Variants in RBFOX1 observed in about 807,000 individuals in gnomAD.
RBFOX1 encodes the protein RNA binding protein fox-1 homolog 1.
In RBFOX1, 8 loss-of-function variants were observed where a neutral mutation model predicts 57.7. The ratio of observed to expected loss-of-function variants is 0.14; its 90% CI spans 0.08 to 0.25. The LOEUF (loss-of-function observed/expected upper bound fraction) is 0.25, where lower values mean the gene tolerates loss of function less well. Among genes scored for constraint, RBFOX1 ranks in the 10% least tolerant of loss-of-function variants. The probability of loss-of-function intolerance (pLI) is 1.00; values close to 1 mark genes in which losing one functional copy is unlikely to be tolerated. For missense variants in RBFOX1, 611 were observed against 548.5 expected (o/e 1.11, Z -1.14); for synonymous variants, 326 against 222.4 (o/e 1.47, Z -4.15).
chr16:5,476,875 T>C (rs1047655531), intron 2 of RBFOX1, among the ~76,000 whole-genome samples: 1 of 152,166 alleles, frequency 6.6e-6, no homozygotes, highest in Non-Finnish European at 1.5e-5. Context: ...CCTTTCTCAA[T>C]CTAGTTCTCC....
intron 4 of RBFOX1, among the ~76,000 whole-genome samples, chr16:7,123,436 C>G (rs954878813): frequency 6.6e-6 from 1 of 152,162 alleles, no homozygotes; most frequent in African/African-American, 2.4e-5. Context: ...GCCAATACAG[C>G]TCACTGTAAC....
intron 2 of RBFOX1, among the ~76,000 whole-genome samples, chr16:6,616,950 C>A (rs913757689): frequency 2.6e-5 from 4 of 152,138 alleles, no homozygotes; most frequent in African/African-American, 9.6e-5. Flanking sequence ...GGCTTCCTGC[C>A]ACGACAGCAG....
At chr16:6,144,018 C>T (rs999759691) in intron 1 of RBFOX1, among the ~76,000 whole-genome samples, 3 of 150,308 alleles carry the variant, frequency 2.0e-5, no homozygotes, top group East Asian at 3.9e-4. Context: ...AGGCTGGTTT[C>T]GAACTCCTGG....
rs562524640 is a variant in RBFOX1, at chr16:7,413,480, G to T, written c.28-104667G>T. Among the ~76,000 whole-genome samples the T allele has an allele frequency of 2.0e-5, 3 of 152,174 alleles. No homozygotes were observed. The South Asian group carries it at 6.2e-4, about 32-fold the overall frequency. On this transcript the variant is annotated intron_variant, in intron 4 of 15. Transcript: ENST00000550418. ...GCATTTCTCACAAGATCCAAGGTGA[G>T]GTCAACACTACCAGCCTGGGGACCA...
intron 6 of RBFOX1, among the ~76,000 whole-genome samples, chr16:7,582,939 G>A (rs1434156809): frequency 6.6e-6 from 1 of 152,138 alleles, no homozygotes; most frequent in Non-Finnish European, 1.5e-5. Flanking sequence ...TACAACGTCT[G>A]TAACCACTAA....
At chr16:6,712,438 G>A (rs1001241252) in intron 3 of RBFOX1, among the ~76,000 whole-genome samples, 1 of 152,042 alleles carries the variant, frequency 6.6e-6, no homozygotes, top group Admixed American at 6.6e-5. Flanking sequence ...GAGTTTTACT[G>A]TGTACCATCC....
intron 3 of RBFOX1, among the ~76,000 whole-genome samples, chr16:6,671,123 C>T (rs1251573610): frequency 6.6e-6 from 1 of 152,216 alleles, no homozygotes; most frequent in Non-Finnish European, 1.5e-5. Context: ...CCCAATCTTA[C>T]TCATTATTTC....
intron 2 of RBFOX1, among the ~76,000 whole-genome samples, chr16:6,640,605 T>G (rs1296566622): frequency 6.7e-6 from 1 of 149,842 alleles, no homozygotes; most frequent in Non-Finnish European, 1.5e-5. Flanking sequence ...AAGACTCCAT[T>G]GCCAAATAAA....
At chr16:5,431,145 G>C (rs2067720739) in intron 1 of RBFOX1, among the ~76,000 whole-genome samples, 1 of 152,222 alleles carries the variant, frequency 6.6e-6, no homozygotes, top group African/African-American at 2.4e-5. Context: ...GAGTGTGACA[G>C]CTACTGAGGC....
intron 3 of RBFOX1, among the ~76,000 whole-genome samples, chr16:6,935,468 AT>A (rs1955987720): frequency 6.6e-6 from 1 of 152,188 alleles, no homozygotes; most frequent in African/African-American, 2.4e-5. Flanking sequence ...GCAATAATGA[AT>A]GATTACTGTT....
chr16:7,447,944 G>A (rs2098821427), intron 4 of RBFOX1, among the ~76,000 whole-genome samples: 1 of 152,166 alleles, frequency 6.6e-6, no homozygotes, highest in African/African-American at 2.4e-5. Context: ...ACATTCCTAG[G>A]TCCCTTCCAA....
intron 4 of RBFOX1, among the ~76,000 whole-genome samples, chr16:7,185,580 AC>A (rs1227391852): frequency 1.3e-5 from 2 of 152,154 alleles, no homozygotes; most frequent in Non-Finnish European, 2.9e-5. Flanking sequence ...TTTTCAAGAA[AC>A]CCTGCCACTT....
chr16:6,240,886 G>T (rs1396302420), intron 1 of RBFOX1, among the ~76,000 whole-genome samples: 1 of 152,108 alleles, frequency 6.6e-6, no homozygotes, highest in Non-Finnish European at 1.5e-5. Flanking sequence ...TTCTCACCAT[G>T]AAGTTCCCAT....
chr16:5,873,086 G>A (rs1025976997), intron 4 of RBFOX1, among the ~76,000 whole-genome samples: 2 of 152,194 alleles, frequency 1.3e-5, no homozygotes, highest in Non-Finnish European at 2.9e-5. Flanking sequence ...GGAGGCAGAG[G>A]TTGCAGTGAG....
chr16:5,816,318 T>C (rs1311362108), intron 3 of RBFOX1, among the ~76,000 whole-genome samples: 2 of 152,140 alleles, frequency 1.3e-5, no homozygotes, highest in Non-Finnish European at 2.9e-5. Context: ...CCAGTACCCG[T>C]CAATTACAAA....
chr16:5,944,863 G>A (rs2059364772), intron 4 of RBFOX1, among the ~76,000 whole-genome samples: 1 of 146,500 alleles, frequency 6.8e-6, no homozygotes, highest in Non-Finnish European at 1.5e-5. Flanking sequence ...GGAGGCAGAA[G>A]GCTGAGGCAG....
chr16:7,705,639 G>T (rs973942530), intron 14 of RBFOX1, among the ~76,000 whole-genome samples: 2 of 152,210 alleles, frequency 1.3e-5, no homozygotes, highest in East Asian at 1.9e-4. Context: ...GAAAACTATT[G>T]AAGGGTTTTA....
intron 2 of RBFOX1, among the ~76,000 whole-genome samples, chr16:6,392,333 C>T (rs1488317434): frequency 6.6e-6 from 1 of 152,110 alleles, no homozygotes; most frequent in Non-Finnish European, 1.5e-5. Context: ...CACGGTTTTT[C>T]TAGGTAATTG....
intron 2 of RBFOX1, among the ~76,000 whole-genome samples, chr16:6,624,375 G>A (rs1011654595): frequency 1.3e-5 from 2 of 152,102 alleles, no homozygotes; most frequent in Non-Finnish European, 2.9e-5. Flanking sequence ...TGGTTTTGGT[G>A]AGATCAGGGT....
Sources: allele counts gnomAD v4.1 joint callset (sites outside exome capture counted in the v4.1 genomes callset), GRCh38; gene constraint gnomAD v4.1.1; transcripts MANE v1.5; gene names NCBI Gene and HGNC (gene_info 2026-07-23, HGNC 2026-07-21).